NFASC: variants seen among roughly 807,000 people sequenced by gnomAD.
NFASC encodes the protein neurofascin.
A neutral mutation model predicts 147.5 loss-of-function variants in NFASC; 43 were observed. The observed-to-expected ratio is 0.29, with a 90% CI of 0.23 to 0.38. The LOEUF is 0.38. Ranked by LOEUF, NFASC falls within the 10% of genes least tolerant of loss-of-function variation. The probability of loss-of-function intolerance (pLI) is 1.00; values close to 1 mark genes in which losing one functional copy is unlikely to be tolerated. For synonymous variants in NFASC, 622 were observed against 665.5 expected, an observed-to-expected ratio of 0.93 and a Z score of 1.01; for missense variants, 1,320 against 1,689.0, an observed-to-expected ratio of 0.78 and a Z score of 3.83.
At position 204,987,380 on chromosome 1, in the gene NFASC, T is replaced by C. The variant is rs1185163231; in HGVS notation, c.2471-38T>C. 3 of 1,518,688 alleles carry C rather than the reference T, an allele frequency of 2.0e-6. No homozygotes were observed. Among genetic ancestry groups the C allele is most frequent in the Non-Finnish European group, 2.7e-6 (3 of 1,097,506 alleles). 94.1% of individuals were successfully genotyped at this position (1,518,688 alleles called of 1,614,324 possible). Reference sequence around the variant, plus strand: ...TGTTTTCCTCATCCTCCCTGCCCCCTCCCCCTCATCTCCCCTGCTCTCTCC... The same window carrying C: ...TGTTTTCCTCATCCTCCCTGCCCCCCCCCCCTCATCTCCCCTGCTCTCTCC... On this transcript the variant is annotated intron_variant, in intron 21 of 29. Transcript: ENST00000339876. The surrounding 1 kb of genome is among the most constrained non-coding windows in gnomAD (Gnocchi z 4.4).
intron 2 of NFASC, among the ~76,000 whole-genome samples, chr1:204,936,136 C>G (rs984701578): frequency 6.6e-6 from 1 of 151,960 alleles, no homozygotes; most frequent in Non-Finnish European, 1.5e-5. Flanking sequence ...TCGGAAAACC[C>G]ACCAGCTCCT....
intron 1 of NFASC, among the ~76,000 whole-genome samples, chr1:204,878,831 G>A (rs1205543737): frequency 6.6e-6 from 1 of 152,202 alleles, no homozygotes; most frequent in Non-Finnish European, 1.5e-5. Flanking sequence ...AATTGCCACC[G>A]GTTGAATCCC....
chr1:204,976,493 T>G (rs147449214), intron 15 of NFASC, among the ~76,000 whole-genome samples, 178 bp from the exon 16 acceptor site: 1 of 152,138 alleles, frequency 6.6e-6, no homozygotes. Flanking sequence ...GTATGATGAG[T>G]GCTCCAGGTG....
intron 2 of NFASC, among the ~76,000 whole-genome samples, chr1:204,928,702 A>G (rs372125771): frequency 2.6e-5 from 4 of 152,350 alleles, no homozygotes; most frequent in African/African-American, 9.6e-5. Context: ...TGGAGTTACA[A>G]CAAAGAACAC....
At chr1:204,837,434 A>G (rs1674090552) in intron 1 of NFASC, among the ~76,000 whole-genome samples, 1 of 152,214 alleles carries the variant, frequency 6.6e-6, no homozygotes, top group Non-Finnish European at 1.5e-5. Flanking sequence ...CTGGGGCCAG[A>G]CTGTAGCAAA....
chr1:205,007,634 G>A lies in NFASC; in HGVS notation c.3290-1923G>A, dbSNP rs2096150355. Among the ~76,000 whole-genome samples the A allele has an allele frequency of 2.6e-5, 4 of 152,174 alleles. No homozygotes were observed. The South Asian group carries it at 8.3e-4, about 31-fold the overall frequency. On this transcript the variant is annotated intron_variant, in intron 27 of 29. Transcript: ENST00000339876. ...GAGGGGCTTTGTTTAAGCTGGGAAG[G>A]TTCAGGAAGACCTCTCTAGGAGGTG...
At chr1:204,942,400 T>G (rs572854419) in intron 2 of NFASC, among the ~76,000 whole-genome samples, 4 of 152,214 alleles carry the variant, frequency 2.6e-5, no homozygotes, top group Non-Finnish European at 5.9e-5. Flanking sequence ...AAGGGAGAGA[T>G]GAGCAGTGAG....
intron 28 of NFASC, among the ~76,000 whole-genome samples, chr1:205,011,372 ACT>A (rs1402239588): frequency 6.6e-6 from 1 of 151,874 alleles, no homozygotes; most frequent in African/African-American, 2.4e-5. Flanking sequence ...GTTTTCTTTC[ACT>A]CTGTTCTGCT....
intron 2 of NFASC, chr1:204,929,571 G>C (rs1017662163): frequency 4.6e-5 from 7 of 152,432 alleles, no homozygotes; most frequent in Non-Finnish European, 1.0e-4. Context: ...TCTTCTAAAA[G>C]GGGAGGTGGG....
chr1:204,837,829 A>G (rs180759425), intron 1 of NFASC, among the ~76,000 whole-genome samples: 57 of 152,284 alleles, frequency 3.7e-4, no homozygotes, highest in East Asian at 2.9e-3. Context: ...TAGTTACAGT[A>G]TCTGACTTTA....
intron 23 of NFASC, chr1:204,989,076 T>G (rs1309178677): frequency 1.4e-5 from 7 of 510,502 alleles, no homozygotes; most frequent in Non-Finnish European, 2.5e-5. Flanking sequence ...TCATCTTTCC[T>G]TCTTGTAGAG....
At position 205,022,098 on chromosome 1, in the gene NFASC, T is replaced by C. The variant is rs553871252; in HGVS notation, c.*5559T>C. On this transcript the variant is annotated 3_prime_UTR_variant, in exon 30 of 30. Coordinates refer to ENST00000339876, the MANE Select transcript of NFASC (RefSeq NM_001005388.3). Reference sequence around the variant, plus strand: ...AGTTCAACAGATGTAAAGACTTCAGTGAAGCAATAAACACAAAACTCTGGG... The same window carrying C: ...AGTTCAACAGATGTAAAGACTTCAGCGAAGCAATAAACACAAAACTCTGGG... 1 of 152,764 alleles carries C rather than the reference T, an allele frequency of 6.5e-6. No individual in the cohort carries two copies. Among genetic ancestry groups the C allele is most frequent in the African/African-American group, 2.4e-5 (1 of 41,564 alleles). The allele number at this position is 152,764 out of a possible 1,614,324, so 9.5% of individuals were successfully genotyped here.
chr1:204,971,110 G>T (rs1241946559), intron 11 of NFASC, among the ~76,000 whole-genome samples: 1 of 152,184 alleles, frequency 6.6e-6, no homozygotes, highest in Non-Finnish European at 1.5e-5. Context: ...GATGGCTGGG[G>T]CTGGGAAGGT....
intron 1 of NFASC, among the ~76,000 whole-genome samples, chr1:204,869,143 G>GAGGGA (rs1558522977): frequency 6.6e-6 from 1 of 152,202 alleles, no homozygotes; most frequent in Non-Finnish European, 1.5e-5. Flanking sequence ...TGTGGGGCTG[G>GAGGGA]AGGGAGCCAG....
chr1:204,837,380 C>T (rs1457370806), intron 1 of NFASC, among the ~76,000 whole-genome samples: 1 of 152,144 alleles, frequency 6.6e-6, no homozygotes, highest in Admixed American at 6.5e-5. Flanking sequence ...CTAGTGTGGT[C>T]AGGCATGGTG....
intron 2 of NFASC, among the ~76,000 whole-genome samples, chr1:204,938,129 G>A (rs1008720004): frequency 3.9e-5 from 6 of 152,224 alleles, no homozygotes; most frequent in African/African-American, 7.2e-5. Context: ...GCGACAGCTC[G>A]TGGGAGCCAC....
intron 1 of NFASC, among the ~76,000 whole-genome samples, chr1:204,857,393 TTGGAATATCCTGCTGTGA>T (rs1200907557): frequency 6.6e-6 from 1 of 152,144 alleles, no homozygotes; most frequent in African/African-American, 2.4e-5. Flanking sequence ...CTTGTAGAAG[TTGGAATATCCTGCTGTGA>T]TGGTCATCGG....
chr1:204,898,875 G>A (rs111716615), intron 1 of NFASC, among the ~76,000 whole-genome samples: 36 of 152,348 alleles, frequency 2.4e-4, no homozygotes, highest in African/African-American at 8.7e-4. Flanking sequence ...CCTAGGTGTT[G>A]GAGGAGGTTA....
intron 1 of NFASC, among the ~76,000 whole-genome samples, chr1:204,864,124 C>T (rs1039756318): frequency 6.6e-6 from 1 of 152,166 alleles, no homozygotes; most frequent in African/African-American, 2.4e-5. Context: ...TGGAATCATA[C>T]AGTATTTGTT....
Sources: gnomAD v4.1 joint callset for allele counts (sites outside exome capture counted in the v4.1 genomes callset) on GRCh38, gnomAD v4.1.1 for gene constraint, Gnocchi (gnomAD v3.1) non-coding constraint, MANE v1.5 for transcripts, NCBI Gene and HGNC (gene_info 2026-07-23, HGNC 2026-07-21) for gene names.